Variants in SPAG16 observed in about 807,000 individuals in gnomAD.
SPAG16 encodes the protein sperm associated antigen 16.
SPAG16 carries 86 observed loss-of-function variants against 80.4 expected under a neutral mutation model. The observed-to-expected ratio is 1.07, with a 90% CI of 0.90 to 1.28. The LOEUF (loss-of-function observed/expected upper bound fraction) is 1.28. Among genes scored for constraint, SPAG16 ranks in the 50% most tolerant of loss-of-function variants. The pLI, the probability that SPAG16 is intolerant of heterozygous loss-of-function variation, is 0.00. For missense variants in SPAG16, 870 were observed against 765.3 expected, an observed-to-expected ratio of 1.14 and a Z score of -1.61; for synonymous variants, 294 against 265.9, an observed-to-expected ratio of 1.11 and a Z score of -1.03.
At chr2:213,761,180 C>T (rs569954122) in intron 10 of SPAG16, among the ~76,000 whole-genome samples, 21 of 152,042 alleles carry the variant, frequency 1.4e-4, no homozygotes, top group East Asian at 3.9e-4. Context: ...AAACAATGAA[C>T]GTTATCAAAG....
At chr2:213,301,708 T>C (rs944951833) in intron 3 of SPAG16, among the ~76,000 whole-genome samples, 1 of 152,112 alleles carries the variant, frequency 6.6e-6, no homozygotes. Flanking sequence ...TCAGTTTATC[T>C]CCCCTCTACG....
chr2:214,130,729 A>G (rs1458868466), intron 14 of SPAG16, among the ~76,000 whole-genome samples: 1 of 152,232 alleles, frequency 6.6e-6, no homozygotes, highest in African/African-American at 2.4e-5. Flanking sequence ...AAGATCTCAT[A>G]CATGAATATC....
At chr2:213,682,042 C>G (rs1394535273) in intron 10 of SPAG16, among the ~76,000 whole-genome samples, 6 of 152,138 alleles carry the variant, frequency 3.9e-5, no homozygotes, top group Non-Finnish European at 8.8e-5. Context: ...CTTTGTCAGT[C>G]CCTGCTGTAC....
chr2:213,824,100 G>A (rs2073122724), intron 10 of SPAG16, among the ~76,000 whole-genome samples: 1 of 152,204 alleles, frequency 6.6e-6, no homozygotes, highest in Admixed American at 6.5e-5. Context: ...TGAAGTGTAA[G>A]GAAGGGGTCC....
At chr2:213,537,715 A>C (rs536872539) in intron 10 of SPAG16, among the ~76,000 whole-genome samples, 3 of 152,114 alleles carry the variant, frequency 2.0e-5, no homozygotes, top group African/African-American at 7.2e-5. Context: ...TACAATCTAC[A>C]TAGTCATTGT....
At chr2:214,250,987 A>G (rs913718959) in intron 15 of SPAG16, among the ~76,000 whole-genome samples, 3 of 151,760 alleles carry the variant, frequency 2.0e-5, no homozygotes, top group Non-Finnish European at 4.4e-5. Flanking sequence ...TTGCCATTAA[A>G]AAGTCTTTTT....
chr2:213,537,951 A>C (rs2076307062), intron 10 of SPAG16, among the ~76,000 whole-genome samples: 1 of 152,106 alleles, frequency 6.6e-6, no homozygotes, highest in African/African-American at 2.4e-5. Flanking sequence ...AGTGGGGTTT[A>C]TTCACTCACT....
At chr2:213,648,701 G>C (rs1038337024) in intron 10 of SPAG16, among the ~76,000 whole-genome samples, 1 of 152,030 alleles carries the variant, frequency 6.6e-6, no homozygotes, top group African/African-American at 2.4e-5. Flanking sequence ...AGGAGACTTG[G>C]CTAAAGGCAT....
chr2:213,394,996 T>A (rs928157396), intron 9 of SPAG16, among the ~76,000 whole-genome samples: 15 of 152,326 alleles, frequency 9.8e-5, no homozygotes, highest in Admixed American at 9.2e-4. Context: ...ATCCAAGTTG[T>A]TAAATTTATG....
At chr2:213,539,299 G>A (rs1440144467) in intron 10 of SPAG16, among the ~76,000 whole-genome samples, 1 of 152,064 alleles carries the variant, frequency 6.6e-6, no homozygotes, top group Non-Finnish European at 1.5e-5. Context: ...CGCCCCTCAT[G>A]GACACCTGCT....
chr2:213,880,781 G>A (rs528758707), intron 11 of SPAG16, among the ~76,000 whole-genome samples: 2 of 152,240 alleles, frequency 1.3e-5, no homozygotes, highest in Admixed American at 6.5e-5. Context: ...AAATCAGATG[G>A]CAGTAGGTGT....
At position 213,433,412 on chromosome 2, in the gene SPAG16, A is replaced by G. The variant is rs141072403; in HGVS notation, c.943-56551A>G. Among the ~76,000 whole-genome samples the G allele has an allele frequency of 4.7e-4, 72 of 152,358 alleles. 1 individual carries two copies. The East Asian group carries it at 0.013, about 28-fold the overall frequency. On this transcript the variant is annotated intron_variant, in intron 9 of 15. Transcript: ENST00000331683. ...AATGTATTTAGTAAAGTTTTATTAT[A>G]CAAAATCAATTTACAAAAATCTGTA...
intron 10 of SPAG16, among the ~76,000 whole-genome samples, chr2:213,648,553 T>G (rs1254901864): frequency 6.6e-6 from 1 of 151,464 alleles, no homozygotes; most frequent in African/African-American, 2.4e-5. Flanking sequence ...AGAGAAAAAA[T>G]GATAAATGAT....
intron 9 of SPAG16, among the ~76,000 whole-genome samples, chr2:213,399,488 A>T (rs966090771): frequency 6.6e-6 from 1 of 152,028 alleles, no homozygotes; most frequent in African/African-American, 2.4e-5. Context: ...TAAAATGTAA[A>T]CATTCTCTTT....
chr2:213,452,762 C>A (rs2071778057), intron 9 of SPAG16, among the ~76,000 whole-genome samples: 1 of 152,210 alleles, frequency 6.6e-6, no homozygotes, highest in Non-Finnish European at 1.5e-5. Flanking sequence ...TGCTGAAATG[C>A]ATCATGGCCT....
At chr2:213,892,371 A>G (rs1030964282) in intron 11 of SPAG16, among the ~76,000 whole-genome samples, 17 of 152,176 alleles carry the variant, frequency 1.1e-4, no homozygotes, top group Non-Finnish European at 7.3e-5. Context: ...GACTGAAATA[A>G]ATACCTAATC....
rs372489006 is a variant in SPAG16, at chr2:213,526,441, AT to A, written c.1070+36355del. 1.7e-3 allele frequency among the ~76,000 whole-genome samples: 266 copies of A among 152,290 alleles called. 1 individual carries two copies. The highest frequency in any genetic ancestry group is 6.2e-3 in the African/African-American group (259 of 41,564). On this transcript the variant is annotated intron_variant, in intron 10 of 15. Coordinates refer to ENST00000331683, the MANE Select transcript of SPAG16 (RefSeq NM_024532.5). ...ACTTTTTGAAAGATGTGTAAAACTT[AT>A]TTTAATCAAATTGGTTTCATCTTCT...
intron 9 of SPAG16, among the ~76,000 whole-genome samples, chr2:213,385,444 A>G (rs2067377830): frequency 6.6e-6 from 1 of 152,134 alleles, no homozygotes; most frequent in South Asian, 2.1e-4. Context: ...TCAGGACCCA[A>G]TTCTTCATGT....
intron 10 of SPAG16, among the ~76,000 whole-genome samples, chr2:213,520,119 G>A (rs2075603120): frequency 6.6e-6 from 1 of 152,108 alleles, no homozygotes; most frequent in South Asian, 2.1e-4. Context: ...AATGCTAAGT[G>A]ATGACAGAGG....
Sources: gnomAD v4.1 joint callset for allele counts (sites outside exome capture counted in the v4.1 genomes callset) on GRCh38, gnomAD v4.1.1 for gene constraint, MANE v1.5 for transcripts, NCBI Gene and HGNC (gene_info 2026-07-23, HGNC 2026-07-21) for gene names.